Variants in KMT2C observed in about 807,000 individuals in gnomAD.
KMT2C encodes the protein lysine methyltransferase 2C.
KMT2C carries 88 observed loss-of-function variants against 507.9 expected under a neutral mutation model. The observed-to-expected ratio is 0.17, with a 90% CI of 0.15 to 0.21. KMT2C has a LOEUF of 0.21. Among genes scored for constraint, KMT2C ranks in the 10% least tolerant of loss-of-function variants. KMT2C has a pLI of 1.00. For missense variants in KMT2C, 4,954 were observed against 5,957.8 expected (o/e 0.83, Z 5.55); for synonymous variants, 2,049 against 2,080.8 (o/e 0.98, Z 0.42).
chr7:152,234,113 C>A (rs1034401228), intron 16 of KMT2C, among the ~76,000 whole-genome samples: 1 of 152,054 alleles, frequency 6.6e-6, no homozygotes, highest in Non-Finnish European at 1.5e-5. Flanking sequence ...CCAGCCTGGG[C>A]ATGGTGGCTC....
intron 1 of KMT2C, among the ~76,000 whole-genome samples, chr7:152,393,898 CAAAAAAAAAA>C (rs745616896): frequency 1.5e-5 from 1 of 65,306 alleles, no homozygotes; most frequent in Non-Finnish European, 3.3e-5. Context: ...AACTCCATCT[CAAAAAAAAAA>C]AAAAAAAAAA....
At chr7:152,363,576 G>A (rs2097213453) in intron 1 of KMT2C, among the ~76,000 whole-genome samples, 1 of 152,126 alleles carries the variant, frequency 6.6e-6, no homozygotes, top group Non-Finnish European at 1.5e-5. Context: ...GGAACAAAGG[G>A]AAAGAAACAG....
rs2116772973 is a variant in KMT2C at position 152,428,144 on chromosome 7, T to C, written c.161+7482A>G. On this transcript the variant is annotated intron_variant, in intron 1 of 58. Coordinates refer to ENST00000262189, the MANE Select transcript of KMT2C (RefSeq NM_170606.3). Reference sequence around the variant, plus strand: ...GTAAGGTTCCTATCCTCAAGAATACTGTAAATACCTGCTTTGAAAACTTTC... The same window carrying C: ...GTAAGGTTCCTATCCTCAAGAATACCGTAAATACCTGCTTTGAAAACTTTC... Among the ~76,000 whole-genome samples the C allele has an allele frequency of 3.3e-5, 5 of 152,304 alleles. No individual in the cohort carries two copies. In the South Asian group the frequency reaches 1.0e-3, roughly 32 times the overall value.
intron 1 of KMT2C, among the ~76,000 whole-genome samples, chr7:152,433,832 T>C (rs1391774252): frequency 6.6e-6 from 1 of 152,232 alleles, no homozygotes; most frequent in African/African-American, 2.4e-5. Flanking sequence ...AAAAGTAGGG[T>C]GTGTGCGAGT....
chr7:152,297,933 A>G (rs1248667248), intron 6 of KMT2C, among the ~76,000 whole-genome samples: 2 of 152,192 alleles, frequency 1.3e-5, no homozygotes, highest in African/African-American at 4.8e-5. Flanking sequence ...CATATAATCA[A>G]AAAGTTAAAT....
chr7:152,383,700 C>T (rs1260930947), intron 1 of KMT2C, among the ~76,000 whole-genome samples: 1 of 152,124 alleles, frequency 6.6e-6, no homozygotes, highest in Non-Finnish European at 1.5e-5. Context: ...CTTCTTACTA[C>T]ATTTATTACC....
In KMT2C at chr7:152,135,548, T is replaced by C; in HGVS notation, c.*1284A>G. ...AACTTTTTCAAATTTTTGTGTTAAA[T>C]AGAAGGCTAAAGGGTTAGATTTAAG... On this transcript the variant is annotated 3_prime_UTR_variant, in exon 59 of 59. Transcript: ENST00000262189. 4.4e-6 allele frequency: 1 copy of C among 225,958 alleles called. No individual in the cohort carries two copies. The highest frequency in any genetic ancestry group is 8.8e-6 in the Non-Finnish European group (1 of 113,342). 14.0% of individuals were successfully genotyped at this position (225,958 alleles called of 1,614,324 possible). A position where few individuals can be genotyped will look rare whatever the true frequency, so the allele number is the denominator to read the frequency against.
At chr7:152,418,155 G>A (rs1439615904) in intron 1 of KMT2C, among the ~76,000 whole-genome samples, 1 of 147,704 alleles carries the variant, frequency 6.8e-6, no homozygotes, top group Non-Finnish European at 1.5e-5. Context: ...GGCCAGGCTG[G>A]TGTCAAACTC....
intron 6 of KMT2C, among the ~76,000 whole-genome samples, chr7:152,278,159 A>T (rs2096123593): frequency 6.6e-6 from 1 of 152,126 alleles, no homozygotes. Context: ...GTGAGTTCTC[A>T]CAAGATCTGG....
Position 152,297,055 on chromosome 7 carries a change from CAGAGAGAG to C in KMT2C, c.849+12903_849+12910del, listed in dbSNP as rs769381866. Among the ~76,000 whole-genome samples the C allele has an allele frequency of 3.6e-3, 303 of 84,384 alleles. 7 individuals are homozygous for C. The highest frequency in any genetic ancestry group is 1.0e-2 in the African/African-American group (183 of 18,302). 55.4% of individuals were successfully genotyped at this position (84,384 alleles called of 152,430 possible). On this transcript the variant is annotated intron_variant, in intron 6 of 58. Transcript: ENST00000262189. Reference sequence around the variant, plus strand: ...AAAGAAAGAAAGAAAGAAAGAAAGACAGAGAGAGAGAGAGAGAGAGAGAGAGAGAGAGA... The same window carrying C: ...AAAGAAAGAAAGAAAGAAAGAAAGACAGAGAGAGAGAGAGAGAGAGAGAGA...
chr7:152,302,333 C>CCTGCCT (rs1248115966), intron 6 of KMT2C, among the ~76,000 whole-genome samples: 10 of 152,124 alleles, frequency 6.6e-5, no homozygotes, highest in African/African-American at 2.4e-4. Context: ...AAGTGATTCT[C>CCTGCCT]CTGCCTCAGC....
At chr7:152,211,796 C>A (rs2094460684) in intron 23 of KMT2C, among the ~76,000 whole-genome samples, 1 of 152,172 alleles carries the variant, frequency 6.6e-6, no homozygotes, top group Admixed American at 6.5e-5. Flanking sequence ...TGCCTGTAAT[C>A]CCAGCACCTT....
intron 1 of KMT2C, chr7:152,367,457 A>G: frequency 1.3e-6 from 1 of 762,334 alleles, no homozygotes; most frequent in Non-Finnish European, 2.3e-6. Context: ...AGCTCAAACA[A>G]TCTACCCACC....
chr7:152,156,913 T>C (rs138733429), intron 44 of KMT2C, among the ~76,000 whole-genome samples: 1 of 152,276 alleles, frequency 6.6e-6, no homozygotes, highest in East Asian at 1.9e-4. Context: ...CTCTCCCAGC[T>C]TAACAGTTAT....
At chr7:152,165,930 C>T (rs369802390) in intron 42 of KMT2C, among the ~76,000 whole-genome samples, 54 of 152,268 alleles carry the variant, frequency 3.5e-4, no homozygotes, top group African/African-American at 1.1e-3. Context: ...TCAGGTGATC[C>T]GCCTGTCTTG....
intron 43 of KMT2C, among the ~76,000 whole-genome samples, chr7:152,160,881 G>A (rs1391688210): frequency 6.6e-6 from 1 of 152,042 alleles, no homozygotes; most frequent in Non-Finnish European, 1.5e-5. Flanking sequence ...ATCGCTATGT[G>A]AGAACACGAG....
chr7:152,154,451 A>G lies in KMT2C; in HGVS notation c.11961-6T>C. 1.2e-6 allele frequency: 2 copies of G among 1,611,280 alleles called. No individual in the cohort carries two copies. The highest frequency in any genetic ancestry group is 1.7e-6 in the Non-Finnish European group (2 of 1,179,894). Reference sequence around the variant, plus strand: ...CACCACAGTGATCCTGTATCCTGAAAAAACATAAACACACACATCAAAGTC... The same window carrying G: ...CACCACAGTGATCCTGTATCCTGAAGAAACATAAACACACACATCAAAGTC... On this transcript the variant is annotated splice_region_variant and splice_polypyrimidine_tract_variant and intron_variant, in intron 46 of 58. Coordinates refer to ENST00000262189, the MANE Select transcript of KMT2C (RefSeq NM_170606.3).
chr7:152,401,482 G>A (rs1411473135), intron 1 of KMT2C, among the ~76,000 whole-genome samples: 2 of 151,954 alleles, frequency 1.3e-5, no homozygotes. Flanking sequence ...GTTGAGGTCA[G>A]GAGTTAAAGA....
At position 152,230,245 on chromosome 7, in the gene KMT2C, C is replaced by T; in HGVS notation, c.2846G>A (p.Ser949Asn). 6.2e-7 allele frequency: 1 copy of T among 1,601,464 alleles called. No individual in the cohort carries two copies. The highest frequency in any genetic ancestry group is 8.5e-7 in the Non-Finnish European group (1 of 1,173,498). ...CTGATTCAAAGTGAACTTGTCACTG[C>T]TAGAAAACAACACAACTGTATTGTG... Reference protein sequence around the residue: ...SMHNTVVLFSSSDKFTLNQDM... With the variant: ...SMHNTVVLFSNSDKFTLNQDM... The change falls in exon 17 of 59, where the codon AGC becomes AAC. Residue 949 changes from serine (S) to asparagine (N), a missense_variant. Ser to Asn is a conservative substitution (Grantham distance 46). Transcript: ENST00000262189.
Sources: gnomAD v4.1 joint callset for allele counts (sites outside exome capture counted in the v4.1 genomes callset) on GRCh38, gnomAD v4.1.1 for gene constraint, MANE v1.5 for transcripts, NCBI Gene and HGNC (gene_info 2026-07-23, HGNC 2026-07-21) for gene names.